Variants in ESCO2 observed in about 807,000 individuals in gnomAD.
The protein encoded by ESCO2 is establishment of sister chromatid cohesion N-acetyltransferase 2, also known as N-acetyltransferase ESCO2.
A neutral mutation model predicts 61.7 loss-of-function variants in ESCO2; 51 were observed. The ratio of observed to expected loss-of-function variants is 0.83; its 90% CI spans 0.66 to 1.04. ESCO2 has a LOEUF of 1.04. ESCO2 is among the 50% of genes least tolerant of loss of function. The pLI is 0.00. For synonymous variants in ESCO2, 230 were observed against 238.2 expected (o/e 0.97, Z 0.32); for missense variants, 692 against 686.2 (o/e 1.01, Z -0.09).
At chr8:27,779,279 A>T (rs993039264) in intron 3 of ESCO2, 2 of 152,168 alleles carry the variant, frequency 1.3e-5, no homozygotes, top group African/African-American at 2.4e-5. Context: ...TGTTAAACTG[A>T]TGGGTTATCC....
chr8:27,784,290 T>C (rs776091767), intron 5 of ESCO2, among the ~76,000 whole-genome samples: 17 of 152,214 alleles, frequency 1.1e-4, no homozygotes, highest in Non-Finnish European at 2.5e-4. Flanking sequence ...TAATAATAAT[T>C]GCTAACATTA....
At chr8:27,772,142 C>A (rs1585384619), upstream of ESCO2, 1 of 332,300 alleles carries the variant, frequency 3.0e-6, no homozygotes, top group East Asian at 6.0e-5. Flanking sequence ...TACAAGGGTT[C>A]AGCCAGAACA....
In ESCO2 at chr8:27,780,179, A is replaced by T. The variant is rs535236969; in HGVS notation, c.867A>T (p.Ser289=). The change falls in exon 4 of 11, where the codon TCA becomes TCT. Residue 289 remains serine, a synonymous_variant. Transcript: ENST00000305188. ...SKNKEKLIKD[S]SDDRVSSKEH... is the part of the protein sequence containing the mutation. Reference sequence around the variant, plus strand: ...TTTTTTAAACCTATTTTCAGGATTCATCAGATGACAGAGTTTCTTCAAAGG... The same window carrying T: ...TTTTTTAAACCTATTTTCAGGATTCTTCAGATGACAGAGTTTCTTCAAAGG... The T allele has an allele frequency of 3.1e-6, 5 of 1,600,088 alleles. No individual in the cohort carries two copies. In the South Asian group the frequency reaches 4.5e-5, roughly 14 times the overall value.
chr8:27,772,471 C>A (rs1160707776), upstream of ESCO2: 2 of 1,545,210 alleles, frequency 1.3e-6, no homozygotes, highest in Non-Finnish European at 8.8e-7. Context: ...GCTTCGGAGC[C>A]CGCTGTCCAG....
downstream of ESCO2, chr8:27,809,651 A>T (rs1805628939): frequency 6.6e-6 from 1 of 152,236 alleles, no homozygotes; most frequent in Non-Finnish European, 1.5e-5. Flanking sequence ...TTTATTCTTT[A>T]TCATCCTATT....
intron 9 of ESCO2, among the ~76,000 whole-genome samples, chr8:27,797,899 C>T (rs1805336507): frequency 6.6e-6 from 1 of 152,124 alleles, no homozygotes; most frequent in East Asian, 1.9e-4. Context: ...TTTCCTTCTT[C>T]GATCTCAAAG....
intron 9 of ESCO2, among the ~76,000 whole-genome samples, chr8:27,797,873 T>C (rs1235238368): frequency 2.0e-5 from 3 of 152,222 alleles, no homozygotes; most frequent in Non-Finnish European, 4.4e-5. Context: ...ATGTTGTGTA[T>C]TTATTTAAGA....
At chr8:27,780,353 G>T in intron 4 of ESCO2, 86 bp downstream of exon 4, 1 of 955,574 alleles carries the variant, frequency 1.0e-6, no homozygotes. Context: ...TAATTTCTGG[G>T]TCTTTCTTTT....
chr8:27,783,930 T>A (rs1441856462), intron 4 of ESCO2, 70 bp from the exon 5 acceptor site: 2 of 1,372,070 alleles, frequency 1.5e-6, no homozygotes, highest in Non-Finnish European at 2.1e-6. Flanking sequence ...TTATTAACCT[T>A]TGAAATCTTA....
At chr8:27,787,807 T>A (rs1293458451) in intron 5 of ESCO2, 78 bp from the exon 6 acceptor site, 7 of 1,111,106 alleles carry the variant, frequency 6.3e-6, no homozygotes, top group Non-Finnish European at 8.2e-6. Context: ...TGCAAGGTAC[T>A]CTGATAAATG....
chr8:27,802,607 CAAAAAAAAAA>C (rs1188348304), intron 10 of ESCO2, among the ~76,000 whole-genome samples: 2 of 29,182 alleles, frequency 6.9e-5, no homozygotes, highest in Non-Finnish European at 1.7e-4. Context: ...GACTCTGTCT[CAAAAAAAAAA>C]AAAAAAAAAA....
At chr8:27,772,611 A>C, upstream of ESCO2, 5 of 1,483,254 alleles carry the variant, frequency 3.4e-6, no homozygotes, top group Non-Finnish European at 4.6e-6. Context: ...AGGATACCAG[A>C]CTCGCGGCGG....
At chr8:27,785,562 T>A (rs1422960919) in intron 5 of ESCO2, among the ~76,000 whole-genome samples, 4 of 151,960 alleles carry the variant, frequency 2.6e-5, no homozygotes, top group African/African-American at 7.3e-5. Flanking sequence ...TAGTTGGGCA[T>A]GATGGGGCAT....
chr8:27,799,777 C>T (rs936705027), intron 10 of ESCO2, 61 bp downstream of exon 10: 17 of 1,581,374 alleles, frequency 1.1e-5, no homozygotes, highest in African/African-American at 5.4e-5. Flanking sequence ...CAGAACCTCT[C>T]GGCTTCTGAG....
intron 4 of ESCO2, among the ~76,000 whole-genome samples, chr8:27,780,751 A>G: frequency 6.6e-6 from 1 of 152,188 alleles, no homozygotes; most frequent in East Asian, 1.9e-4. Context: ...AGATATCTCT[A>G]AAGAGTTAAA....
chr8:27,782,876 C>A (rs1267300081), intron 4 of ESCO2, among the ~76,000 whole-genome samples: 2 of 152,024 alleles, frequency 1.3e-5, no homozygotes, highest in Non-Finnish European at 2.9e-5. Flanking sequence ...TTCCCCCTAC[C>A]TCCTTCAGTG....
At position 27,788,754 on chromosome 8, in the gene ESCO2, T is replaced by G. The variant is rs142711230; in HGVS notation, c.1132-93T>G. 774 of 1,521,736 alleles carry G rather than the reference T, an allele frequency of 5.1e-4. 5 individuals are homozygous for G. In the East Asian group the frequency reaches 0.017, roughly 33 times the overall value. The allele number at this position is 1,521,736 out of a possible 1,614,324, so 94.3% of individuals were successfully genotyped here. On this transcript the variant is annotated intron_variant, in intron 6 of 10. Coordinates refer to ENST00000305188, the MANE Select transcript of ESCO2 (RefSeq NM_001017420.3). ...CTTGTGTCAGCAGGAAAAAAAAAAT[T>G]AGGTGAAATTTGAATGAATGGTTAT... is the stretch of plus-strand genomic sequence containing the variant.
Position 27,776,781 on chromosome 8 carries a change from T to C in ESCO2, c.473T>C (p.Val158Ala). Residue 158 changes from valine (V) to alanine (A), a missense_variant, in exon 3 of 11, where the codon GTA becomes GCA. Coordinates refer to ENST00000305188, the MANE Select transcript of ESCO2 (RefSeq NM_001017420.3). ...CCAAAGTATAGACACATCAAGCCTGTATCAAGGAATTCTAGAAATTCCAAG... is the reference window on the plus strand; with the variant it reads ...CCAAAGTATAGACACATCAAGCCTGCATCAAGGAATTCTAGAAATTCCAAG... ...YQPKYRHIKP[V>A]SRNSRNSKQN... 2 of 1,614,070 alleles carry C rather than the reference T, an allele frequency of 1.2e-6. No homozygotes were observed. The highest frequency in any genetic ancestry group is 1.7e-6 in the Non-Finnish European group (2 of 1,180,032).
rs576510983 is a variant in ESCO2, at chr8:27,792,040, T to C, written c.1341T>C (p.Phe447=). Residue 447 remains phenylalanine, a synonymous_variant, in exon 8 of 11, where the codon TTT becomes TTC. Coordinates refer to ENST00000305188, the MANE Select transcript of ESCO2 (RefSeq NM_001017420.3). ...IVLVLPHDPS[F]AIKKVEDVQE... ...TGGTTCTGCCACATGATCCAAGCTTTGCTATCAAAAAGGTATGGAACATTA... is the reference window on the plus strand; with the variant it reads ...TGGTTCTGCCACATGATCCAAGCTTCGCTATCAAAAAGGTATGGAACATTA... 6.2e-7 allele frequency: 1 copy of C among 1,614,120 alleles called. No homozygotes were observed. Among genetic ancestry groups the C allele is most frequent in the South Asian group, 1.1e-5 (1 of 91,084 alleles).
Sources: allele counts gnomAD v4.1 joint callset (sites outside exome capture counted in the v4.1 genomes callset), GRCh38; gene constraint gnomAD v4.1.1; transcripts MANE v1.5; gene names NCBI Gene and HGNC (gene_info 2026-07-23, HGNC 2026-07-21).